The following TEKTL1 variants were observed in gnomAD, a reference collection of about 807,000 sequenced individuals.
TEKTL1 encodes tektin like 1.
chr19:15,019,962 C>G, the TEKTL1 span, among the ~76,000 whole-genome samples: 83,988 of 138,950 alleles, frequency 0.6, 24,213 homozygotes, highest in East Asian at 0.8. Flanking sequence ...TGTCTCAAAA[C>G]AAAAAAAAAT....
At chr19:15,011,292 G>A in the TEKTL1 span, 3 of 1,522,238 alleles carry the variant, frequency 2.0e-6, no homozygotes, top group Admixed American at 2.3e-5. Context: ...CAGCTGCTGC[G>A]CCAGCGCGAG....
the TEKTL1 span, chr19:15,021,501 C>A: frequency 6.2e-7 from 1 of 1,613,970 alleles, no homozygotes; most frequent in Admixed American, 1.7e-5. Context: ...AGAAGGCGAG[C>A]GAGACCTTGG....
chr19:15,015,585 T>C, the TEKTL1 span, among the ~76,000 whole-genome samples: 50 of 152,192 alleles, frequency 3.3e-4, no homozygotes, highest in Admixed American at 3.9e-4. Context: ...TCTTGGCTCA[T>C]TGTCACCAGT....
At chr19:15,019,094 G>A in the TEKTL1 span, among the ~76,000 whole-genome samples, 7 of 152,054 alleles carry the variant, frequency 4.6e-5, no homozygotes, top group East Asian at 9.7e-4. Flanking sequence ...AATTACAGAC[G>A]TGAATCATCA....
At chr19:15,012,541 G>A in the TEKTL1 span, among the ~76,000 whole-genome samples, 6,181 of 147,568 alleles carry the variant, frequency 0.042, 155 homozygotes, top group African/African-American at 0.077. Flanking sequence ...CAGCCTAGGA[G>A]ATAGTGAGAC....
the TEKTL1 span, chr19:15,021,262 A>G: frequency 2.0e-6 from 3 of 1,517,136 alleles, no homozygotes; most frequent in Non-Finnish European, 1.8e-6. Context: ...CCCCTCGCCC[A>G]GGGCCCACCA....
chr19:15,023,049 C>A, the TEKTL1 span: 1 of 1,611,992 alleles, frequency 6.2e-7, no homozygotes, highest in Non-Finnish European at 8.5e-7. Context: ...TACGAGCAGG[C>A]GCAGCGCCTG....
chr19:15,011,182 C>T, the TEKTL1 span: 4 of 1,488,468 alleles, frequency 2.7e-6, no homozygotes, highest in South Asian at 5.4e-5. Flanking sequence ...AAGCGCGCGC[C>T]CTGCAGACCA....
At chr19:15,020,507 G>A in the TEKTL1 span, 193 of 1,613,706 alleles carry the variant, frequency 1.2e-4, no homozygotes, top group Admixed American at 5.7e-4. Flanking sequence ...TTCAAGGAGC[G>A]GCTCCAAGCC....
the TEKTL1 span, among the ~76,000 whole-genome samples, chr19:15,014,742 G>GA: frequency 0.02 from 2,538 of 125,604 alleles, 78 homozygotes; most frequent in African/African-American, 0.032. Context: ...GGGGGGCGGG[G>GA]GCTGCTGAAA....
chr19:15,020,532 C>T, the TEKTL1 span: 1 of 1,614,078 alleles, frequency 6.2e-7, no homozygotes. Context: ...ACCTCATGAA[C>T]CAGCCTCTGG....
the TEKTL1 span, chr19:15,021,990 T>C: frequency 8.2e-7 from 1 of 1,217,804 alleles, no homozygotes; most frequent in Non-Finnish European, 1.2e-6. Context: ...CAAGCACATC[T>C]GGACCAGGTA....
At chr19:15,019,403 AT>A in the TEKTL1 span, among the ~76,000 whole-genome samples, 2 of 152,240 alleles carry the variant, frequency 1.3e-5, no homozygotes, top group African/African-American at 2.4e-5. Context: ...CTACAAAAAA[AT>A]GATAAGTATG....
At chr19:15,020,411 C>T in the TEKTL1 span, 1 of 1,528,690 alleles carries the variant, frequency 6.5e-7, no homozygotes, top group Non-Finnish European at 9.0e-7. Context: ...GCATCCACTT[C>T]CCTCAACCTC....
At chr19:15,011,579 A>G in the TEKTL1 span, among the ~76,000 whole-genome samples, 1 of 152,132 alleles carries the variant, frequency 6.6e-6, no homozygotes, top group Non-Finnish European at 1.5e-5. Flanking sequence ...TACTAAAAAT[A>G]CAAAATTAGC....
chr19:15,014,142 A>G, the TEKTL1 span, among the ~76,000 whole-genome samples: 1 of 152,182 alleles, frequency 6.6e-6, no homozygotes, highest in African/African-American at 2.4e-5. Context: ...TTTCAGCCCA[A>G]GTGACTAGAG....
At chr19:15,021,721 G>A in the TEKTL1 span, 1 of 1,613,758 alleles carries the variant, frequency 6.2e-7, no homozygotes, top group Non-Finnish European at 8.5e-7. Flanking sequence ...GGTACGGTTC[G>A]GGGTGAGAGC....
the TEKTL1 span, among the ~76,000 whole-genome samples, chr19:15,012,170 G>A: frequency 2.0e-4 from 30 of 152,058 alleles, 1 homozygote; most frequent in East Asian, 5.4e-3. Flanking sequence ...TGAGGCAGGA[G>A]GATTGCTTAA....
chr19:15,018,803 C>T, the TEKTL1 span, among the ~76,000 whole-genome samples: 1 of 146,110 alleles, frequency 6.8e-6, no homozygotes, highest in Non-Finnish European at 1.5e-5. Context: ...AATTGCCTGA[C>T]CCTTGACTCT....
Sources: allele counts gnomAD v4.1 joint callset (sites outside exome capture counted in the v4.1 genomes callset), GRCh38; gene constraint gnomAD v4.1.1; transcripts MANE v1.5; gene names NCBI Gene and HGNC (gene_info 2026-07-23, HGNC 2026-07-21).